EXOC6: variants seen among roughly 807,000 people sequenced by gnomAD.
EXOC6 encodes SEC15-like 1.
A neutral mutation model predicts 112.5 loss-of-function variants in EXOC6; 60 were observed. The ratio of observed to expected loss-of-function variants is 0.53; its 90% CI spans 0.43 to 0.66. The LOEUF is 0.66. EXOC6 is among the 30% of genes least tolerant of loss of function. The pLI, the probability that EXOC6 is intolerant of heterozygous loss-of-function variation, is 0.00. For missense variants in EXOC6, 855 were observed against 957.1 expected (o/e 0.89, Z 1.41); for synonymous variants, 295 against 308.0 (o/e 0.96, Z 0.44).
At chr10:92,843,363 A>T (rs1199099469) in intron 1 of EXOC6, among the ~76,000 whole-genome samples, 1 of 152,218 alleles carries the variant, frequency 6.6e-6, no homozygotes, top group Non-Finnish European at 1.5e-5. Flanking sequence ...GCCACTGGGA[A>T]GGATTAGTTT....
At chr10:92,853,591 ACAGT>A (rs1847454611) in intron 1 of EXOC6, among the ~76,000 whole-genome samples, 1 of 152,252 alleles carries the variant, frequency 6.6e-6, no homozygotes, top group Non-Finnish European at 1.5e-5. Context: ...ATAGATTAAC[ACAGT>A]CAATTGATTT....
intron 17 of EXOC6, among the ~76,000 whole-genome samples, chr10:92,973,005 G>A (rs1179952270): frequency 7.2e-5 from 11 of 152,112 alleles, no homozygotes; most frequent in African/African-American, 1.2e-4. Context: ...TTGACCTATC[G>A]TTTGTCCCAG....
intron 18 of EXOC6, among the ~76,000 whole-genome samples, chr10:92,990,520 A>G (rs1264462585): frequency 2.0e-5 from 3 of 152,182 alleles, no homozygotes; most frequent in African/African-American, 4.8e-5. Context: ...ATAAAATGCA[A>G]TTGAAGCTGT....
rs573100711 is a variant in EXOC6, at chr10:92,955,871, T to C, written c.1773+157T>C. ...CAATGAGCAAGTAAATGTCAGTTTCTTTTTGGCACTGTAAACATCTTATTA... is the reference window on the plus strand; with the variant it reads ...CAATGAGCAAGTAAATGTCAGTTTCCTTTTGGCACTGTAAACATCTTATTA... On this transcript the variant is annotated intron_variant, in intron 17 of 21. Coordinates refer to ENST00000260762, the MANE Select transcript of EXOC6 (RefSeq NM_019053.6). Among the ~76,000 whole-genome samples, 406 of 152,258 alleles carry C rather than the reference T, an allele frequency of 2.7e-3. 1 individual carries two copies. Among genetic ancestry groups the C allele is most frequent in the Admixed American group, 5.0e-3 (76 of 15,292 alleles).
intron 4 of EXOC6, among the ~76,000 whole-genome samples, chr10:92,896,338 T>C (rs1245996943): frequency 3.4e-5 from 5 of 147,332 alleles, no homozygotes; most frequent in Non-Finnish European, 7.5e-5. Context: ...GCTGGGATTA[T>C]AGGTGCCACC....
intron 17 of EXOC6, among the ~76,000 whole-genome samples, chr10:92,960,460 T>G (rs1462379335): frequency 6.6e-6 from 1 of 152,074 alleles, no homozygotes; most frequent in African/African-American, 2.4e-5. Context: ...CCATAGAATG[T>G]AAAACACTGT....
At chr10:93,038,344 T>A (rs1224041828) in intron 20 of EXOC6, among the ~76,000 whole-genome samples, 2 of 152,196 alleles carry the variant, frequency 1.3e-5, no homozygotes, top group East Asian at 3.8e-4. Flanking sequence ...AAAAAAATCC[T>A]ACTAAGCATT....
chr10:92,886,965 T>A (rs1481436404), intron 1 of EXOC6, among the ~76,000 whole-genome samples: 2 of 152,174 alleles, frequency 1.3e-5, no homozygotes, highest in Non-Finnish European at 2.9e-5. Context: ...TGTTATTATT[T>A]TTATCATTAC....
Position 92,952,399 on chromosome 10 carries a change from C to G in EXOC6, c.1526+17C>G. 7.1e-7 allele frequency: 1 copy of G among 1,412,596 alleles called. No individual in the cohort carries two copies. The highest frequency in any genetic ancestry group is 1.8e-5 in the Admixed American group (1 of 55,984). 87.5% of individuals were successfully genotyped at this position (1,412,596 alleles called of 1,614,324 possible). On this transcript the variant is annotated intron_variant, in intron 15 of 21. Transcript: ENST00000260762. ...ACACCGGAGGTGAGTTTACTAATCACAAATGCATTTTTGTCATAACTTTTA... is the reference window on the plus strand; with the variant it reads ...ACACCGGAGGTGAGTTTACTAATCAGAAATGCATTTTTGTCATAACTTTTA...
Position 92,926,051 on chromosome 10 carries a change from T to TA in EXOC6, c.889-2288_889-2287insA, listed in dbSNP as rs200071907. On this transcript the variant is annotated intron_variant, in intron 8 of 21. Transcript: ENST00000260762. Reference sequence around the variant, plus strand: ...GATTTTAGGTTTTAGGGTGGACTTTTTAAAAAAAAAAAAAAACAAATGCCC... The same window carrying TA: ...GATTTTAGGTTTTAGGGTGGACTTTTATAAAAAAAAAAAAAAACAAATGCCC... 8.4e-3 allele frequency among the ~76,000 whole-genome samples: 1,117 copies of TA among 132,338 alleles called. 11 individuals are homozygous for TA. Among genetic ancestry groups the TA allele is most frequent in the Admixed American group, 0.021 (277 of 13,404 alleles). The allele number at this position is 132,338 out of a possible 152,430, so 86.8% of individuals were successfully genotyped here. A position where few individuals can be genotyped will look rare whatever the true frequency, so the allele number is the denominator to read the frequency against.
intron 1 of EXOC6, among the ~76,000 whole-genome samples, chr10:92,852,248 G>A (rs1847386922): frequency 6.6e-6 from 1 of 152,084 alleles, no homozygotes; most frequent in African/African-American, 2.4e-5. Flanking sequence ...TCCCCAAAAG[G>A]AAACTCTAGG....
upstream of EXOC6, among the ~76,000 whole-genome samples, chr10:92,845,704 C>T (rs542597392): frequency 4.2e-4 from 64 of 152,170 alleles, no homozygotes; most frequent in South Asian, 2.7e-3. Flanking sequence ...TTTAGGAGGC[C>T]GAGGCGGGCA....
chr10:92,844,151 GAAA>G (rs60056645), upstream of EXOC6, among the ~76,000 whole-genome samples: 1 of 132,148 alleles, frequency 7.6e-6, no homozygotes, highest in Non-Finnish European at 1.6e-5. Context: ...CTGTGTCTCA[GAAA>G]AAAAAAAAAA....
intron 8 of EXOC6, 118 bp from the exon 9 acceptor site, chr10:92,928,221 A>C: frequency 1.8e-6 from 1 of 570,178 alleles, no homozygotes. Context: ...ATGAAATGCT[A>C]TTAAACATTT....
chr10:92,983,983 G>A (rs912547021), intron 18 of EXOC6, among the ~76,000 whole-genome samples: 9 of 151,904 alleles, frequency 5.9e-5, no homozygotes, highest in African/African-American at 2.2e-4. Flanking sequence ...TCTTTATTCA[G>A]GTTATTAGTA....
intron 1 of EXOC6, among the ~76,000 whole-genome samples, chr10:92,891,378 T>C (rs1849490677): frequency 6.6e-6 from 1 of 152,200 alleles, no homozygotes; most frequent in African/African-American, 2.4e-5. Context: ...CAGAGCCTAG[T>C]TCTAACTCAG....
At chr10:92,906,296 A>G (rs549912110) in intron 5 of EXOC6, among the ~76,000 whole-genome samples, 82 of 152,258 alleles carry the variant, frequency 5.4e-4, no homozygotes, top group African/African-American at 1.9e-3. Context: ...TTTAATAAAA[A>G]TTTCGTACTT....
intron 1 of EXOC6, among the ~76,000 whole-genome samples, chr10:92,876,274 G>A (rs998476213): frequency 1.3e-4 from 20 of 152,170 alleles, no homozygotes; most frequent in African/African-American, 4.8e-4. Context: ...AAGTAATCAT[G>A]TAGGTAATTA....
chr10:93,032,349 A>G (rs1305639244), intron 20 of EXOC6, among the ~76,000 whole-genome samples: 6 of 152,216 alleles, frequency 3.9e-5, no homozygotes, highest in African/African-American at 1.4e-4. Flanking sequence ...ACAGCAAACA[A>G]CAACGTAGAT....
Sources: gnomAD v4.1 joint callset for allele counts (sites outside exome capture counted in the v4.1 genomes callset) on GRCh38, gnomAD v4.1.1 for gene constraint, MANE v1.5 for transcripts, NCBI Gene and HGNC (gene_info 2026-07-23, HGNC 2026-07-21) for gene names.